Variants in CRISPLD1 observed in about 807,000 individuals in gnomAD.
CRISPLD1 encodes the protein cysteine rich secretory protein LCCL domain containing 1.
A neutral mutation model predicts 77.5 loss-of-function variants in CRISPLD1; 60 were observed. The ratio of observed to expected loss-of-function variants is 0.77; its 90% CI spans 0.63 to 0.96. The LOEUF (loss-of-function observed/expected upper bound fraction) is 0.96. CRISPLD1 is among the 40% of genes least tolerant of loss of function. The pLI, the probability that CRISPLD1 is intolerant of heterozygous loss-of-function variation, is 0.00. For synonymous variants in CRISPLD1, 195 were observed against 200.1 expected (o/e 0.97, Z 0.22); for missense variants, 623 against 615.8 (o/e 1.01, Z -0.12).
chr8:75,012,396 C>G (rs1225110964), intron 2 of CRISPLD1, 37 bp from the exon 3 acceptor site: 1 of 1,223,568 alleles, frequency 8.2e-7, no homozygotes, highest in Admixed American at 1.7e-5. Flanking sequence ...TGTCCAAATG[C>G]TACATGTGCA....
intron 14 of CRISPLD1, among the ~76,000 whole-genome samples, chr8:75,031,302 T>C (rs1484635633): frequency 6.6e-6 from 1 of 152,076 alleles, no homozygotes; most frequent in Non-Finnish European, 1.5e-5. Context: ...TCTTTCTTAG[T>C]ATTTATTTTA....
intron 2 of CRISPLD1, among the ~76,000 whole-genome samples, chr8:75,005,604 C>G (rs1409892171): frequency 6.6e-6 from 1 of 152,008 alleles, no homozygotes; most frequent in East Asian, 1.9e-4. Context: ...GAGCATAATT[C>G]TATCATTACT....
intron 2 of CRISPLD1, among the ~76,000 whole-genome samples, chr8:74,997,613 C>A (rs1812666111): frequency 6.6e-6 from 1 of 152,088 alleles, no homozygotes; most frequent in African/African-American, 2.4e-5. Context: ...TTTTTATAGA[C>A]AAGGGTTGAA....
At chr8:75,022,353 G>GA (rs1022848774) in intron 12 of CRISPLD1, among the ~76,000 whole-genome samples, 1 of 152,018 alleles carries the variant, frequency 6.6e-6, no homozygotes, top group Non-Finnish European at 1.5e-5. Context: ...TTGGGAGGCT[G>GA]AGGTGGGTGG....
At chr8:74,985,211 G>A (rs886715386) in intron 1 of CRISPLD1, among the ~76,000 whole-genome samples, 8 of 152,142 alleles carry the variant, frequency 5.3e-5, no homozygotes, top group Non-Finnish European at 1.2e-4. Flanking sequence ...AAGCTCTCAA[G>A]TTGCCGGGGA....
intron 2 of CRISPLD1, among the ~76,000 whole-genome samples, chr8:75,006,461 A>G (rs925279051): frequency 6.6e-6 from 1 of 152,094 alleles, no homozygotes; most frequent in Non-Finnish European, 1.5e-5. Context: ...TATGTTATCT[A>G]TTTAAGACAT....
intron 2 of CRISPLD1, among the ~76,000 whole-genome samples, chr8:74,987,351 G>C (rs79888141): frequency 6.6e-6 from 1 of 152,122 alleles, no homozygotes; most frequent in Admixed American, 6.5e-5. Flanking sequence ...GCACTGACAC[G>C]CACTAGCTAT....
rs566786568 is a variant in CRISPLD1, at chr8:75,032,260, A to AG, written c.*20dup. 1.7e-4 allele frequency: 275 copies of AG among 1,581,166 alleles called. 2 individuals carry two copies. The South Asian group carries it at 2.1e-3, about 12-fold the overall frequency. The stretch of plus-strand genomic sequence containing the variant: ...TTGTGTGAAACTGAATACTTGGAAG[A>AG]GGACCATAAAGACTATTCCAAATGC... On this transcript the variant is annotated 3_prime_UTR_variant, in exon 15 of 15. Coordinates refer to ENST00000262207, the MANE Select transcript of CRISPLD1 (RefSeq NM_031461.6).
At chr8:75,023,466 T>C (rs1467327568) in intron 12 of CRISPLD1, among the ~76,000 whole-genome samples, 3 of 152,216 alleles carry the variant, frequency 2.0e-5, no homozygotes, top group East Asian at 1.9e-4. Context: ...GAAACTCAGA[T>C]GGATTTATTA....
chr8:75,005,022 T>G (rs16939021), intron 2 of CRISPLD1, among the ~76,000 whole-genome samples: 18,805 of 152,140 alleles, frequency 0.12, 1,706 homozygotes, highest in African/African-American at 0.25. Context: ...CAAAAATACT[T>G]CGAAGAAATT....
chr8:75,002,519 G>A (rs1216429623), intron 2 of CRISPLD1, among the ~76,000 whole-genome samples: 3 of 151,486 alleles, frequency 2.0e-5, no homozygotes, highest in Non-Finnish European at 4.4e-5. Context: ...ATGATGAAGG[G>A]CCTATATGCA....
In CRISPLD1 at chr8:75,014,860, T is replaced by C. The variant is rs1813000676; in HGVS notation, c.675T>C (p.Ser225=). The C allele has an allele frequency of 1.9e-6, 3 of 1,581,120 alleles. No individual in the cohort carries two copies. The highest frequency in any genetic ancestry group is 2.6e-6 in the Non-Finnish European group (3 of 1,169,134). The change falls in exon 6 of 15, where the codon TCT becomes TCC. Residue 225 remains serine (S), a synonymous_variant. Transcript: ENST00000262207. ...CTTACAAACATGGGCGGCCCTGTTCTGCTTGCCCACCTAGTTTTGGAGGGG... is the reference window on the plus strand; with the variant it reads ...CTTACAAACATGGGCGGCCCTGTTCCGCTTGCCCACCTAGTTTTGGAGGGG... ...HAPYKHGRPC[S]ACPPSFGGGC... is the part of the protein sequence containing the mutation.
chr8:74,994,164 G>A (rs1812614319), intron 2 of CRISPLD1, among the ~76,000 whole-genome samples: 1 of 152,202 alleles, frequency 6.6e-6, no homozygotes. Flanking sequence ...TGAACAGGAA[G>A]ACAAGGCAAT....
At chr8:74,990,710 G>T (rs7841751) in intron 2 of CRISPLD1, among the ~76,000 whole-genome samples, 1 of 149,242 alleles carries the variant, frequency 6.7e-6, no homozygotes, top group East Asian at 2.0e-4. Flanking sequence ...ACCCTCACCC[G>T]CCAGTCTCTT....
intron 10 of CRISPLD1, 61 bp downstream of exon 10, chr8:75,017,511 A>T: frequency 7.3e-7 from 1 of 1,365,750 alleles, no homozygotes. Context: ...GAGCTAACAC[A>T]TTTTTTTTTA....
At chr8:75,001,380 AC>A (rs987174292) in intron 2 of CRISPLD1, among the ~76,000 whole-genome samples, 1 of 152,082 alleles carries the variant, frequency 6.6e-6, no homozygotes, top group Non-Finnish European at 1.5e-5. Flanking sequence ...GGTGGCCAGA[AC>A]CCCTCTGAAG....
rs79783540 is a variant in CRISPLD1 at position 75,007,517 on chromosome 8, T to G, written c.259-4916T>G. Among the ~76,000 whole-genome samples, 1,408 of 152,244 alleles carry G rather than the reference T, an allele frequency of 9.2e-3. 21 individuals carry two copies. The highest frequency in any genetic ancestry group is 0.032 in the African/African-American group (1,321 of 41,528). On this transcript the variant is annotated intron_variant, in intron 2 of 14. Transcript: ENST00000262207. ...GCATAATTTCTCATTTCTATGATATTTTAGTACTAAAGTTACTATGTATTT... is the reference window on the plus strand; with the variant it reads ...GCATAATTTCTCATTTCTATGATATGTTAGTACTAAAGTTACTATGTATTT...
intron 2 of CRISPLD1, among the ~76,000 whole-genome samples, chr8:74,999,196 G>A (rs1420789733): frequency 6.6e-6 from 1 of 152,070 alleles, no homozygotes; most frequent in East Asian, 1.9e-4. Flanking sequence ...AATCAATAAG[G>A]TGTGATTAAG....
intron 12 of CRISPLD1, among the ~76,000 whole-genome samples, chr8:75,021,145 A>G (rs904389759): frequency 1.6e-4 from 24 of 152,214 alleles, no homozygotes; most frequent in African/African-American, 5.5e-4. Context: ...TTTTTATGGA[A>G]AAGTTTATCT....
Sources: gnomAD v4.1 joint callset for allele counts (sites outside exome capture counted in the v4.1 genomes callset) on GRCh38, gnomAD v4.1.1 for gene constraint, MANE v1.5 for transcripts, NCBI Gene and HGNC (gene_info 2026-07-23, HGNC 2026-07-21) for gene names.